PRKCA: variants seen among roughly 807,000 people sequenced by gnomAD.
PRKCA encodes the protein protein kinase C alpha type.
A neutral mutation model predicts 87.0 loss-of-function variants in PRKCA; 27 were observed. The observed-to-expected ratio is 0.31, with a 90% CI of 0.23 to 0.43. The LOEUF (loss-of-function observed/expected upper bound fraction) is 0.43. Among genes scored for constraint, PRKCA ranks in the 20% least tolerant of loss-of-function variants. The pLI, the probability that PRKCA is intolerant of heterozygous loss-of-function variation, is 1.00. For synonymous variants in PRKCA, 329 were observed against 311.1 expected, an observed-to-expected ratio of 1.06 and a Z score of -0.61; for missense variants, 518 against 852.3, an observed-to-expected ratio of 0.61 and a Z score of 4.88.
chr17:66,534,643 G>A (rs975926340), intron 3 of PRKCA, among the ~76,000 whole-genome samples: 3 of 152,034 alleles, frequency 2.0e-5, no homozygotes, highest in Non-Finnish European at 2.9e-5. Context: ...CTCCAGCCTG[G>A]GTGACAGAGC....
intron 2 of PRKCA, among the ~76,000 whole-genome samples, chr17:66,345,903 A>G (rs1907329236): frequency 6.6e-6 from 1 of 152,118 alleles, no homozygotes; most frequent in Admixed American, 6.5e-5. Flanking sequence ...AGTGCCTGGC[A>G]TATAATAGAT....
rs1327367717 is a variant in PRKCA at position 66,365,749 on chromosome 17, T to C, written c.205+59622T>C. ...AAACAGACGTATGAATGTTTAATAC[T>C]CCCTGATTATCGTATGCTTTCTTAT... On this transcript the variant is annotated intron_variant, in intron 2 of 16. Coordinates refer to ENST00000413366, the MANE Select transcript of PRKCA (RefSeq NM_002737.3). Among the ~76,000 whole-genome samples, 3 of 152,302 alleles carry C rather than the reference T, an allele frequency of 2.0e-5. No individual in the cohort carries two copies. The East Asian group carries it at 5.8e-4, about 29-fold the overall frequency.
intron 3 of PRKCA, among the ~76,000 whole-genome samples, chr17:66,556,323 C>CTA (rs1968493316): frequency 7.8e-6 from 1 of 129,008 alleles, no homozygotes; most frequent in African/African-American, 2.9e-5. Context: ...CTTTCTTCTT[C>CTA]TTTTTTTTTT....
At chr17:66,407,586 A>G (rs965296869) in intron 2 of PRKCA, among the ~76,000 whole-genome samples, 5 of 152,134 alleles carry the variant, frequency 3.3e-5, no homozygotes, top group Admixed American at 2.0e-4. Context: ...TGCACCATCT[A>G]TGCATTATTT....
At chr17:66,365,468 T>G (rs1908656155) in intron 2 of PRKCA, among the ~76,000 whole-genome samples, 2 of 152,158 alleles carry the variant, frequency 1.3e-5, no homozygotes, top group Non-Finnish European at 2.9e-5. Flanking sequence ...GGAAACTGCC[T>G]GAGATATGTT....
intron 5 of PRKCA, among the ~76,000 whole-genome samples, chr17:66,659,959 A>C (rs12449530): frequency 0.053 from 8,088 of 152,240 alleles, 288 homozygotes; most frequent in Admixed American, 0.077. Context: ...GTTACAGTCG[A>C]AGTCATTCAG....
intron 16 of PRKCA, among the ~76,000 whole-genome samples, chr17:66,794,274 T>G (rs942699009): frequency 6.6e-6 from 1 of 152,194 alleles, no homozygotes; most frequent in Non-Finnish European, 1.5e-5. Flanking sequence ...TTCAGGACAT[T>G]GTCTCCAATG....
intron 3 of PRKCA, among the ~76,000 whole-genome samples, chr17:66,554,231 G>A (rs936002615): frequency 7.2e-6 from 1 of 138,928 alleles, no homozygotes; most frequent in Non-Finnish European, 1.5e-5. Context: ...GTGTGACCCC[G>A]TCTCTATGAA....
At chr17:66,481,763 G>A (rs1004313867) in intron 2 of PRKCA, among the ~76,000 whole-genome samples, 4 of 152,162 alleles carry the variant, frequency 2.6e-5, no homozygotes, top group African/African-American at 7.2e-5. Context: ...CTTCATGCGT[G>A]TCTGTGGAAG....
intron 2 of PRKCA, among the ~76,000 whole-genome samples, chr17:66,352,557 G>GTTT: frequency 1.1e-5 from 1 of 90,302 alleles, no homozygotes. Flanking sequence ...TGTTTTTTGA[G>GTTT]GTTTTTTTTT....
At chr17:66,482,569 G>C (rs1220429477) in intron 2 of PRKCA, among the ~76,000 whole-genome samples, 1 of 152,182 alleles carries the variant, frequency 6.6e-6, no homozygotes, top group East Asian at 1.9e-4. Context: ...TTCATTTTCT[G>C]TGTGGCTGTA....
Position 66,805,624 on chromosome 17 carries a change from T to C in PRKCA, c.*1587T>C, listed in dbSNP as rs989190932. ...CTACCTGCAAACAAATTTTTATTGGTGAGGACTATTTTTGAGCTGACACTC... is the reference window on the plus strand; with the variant it reads ...CTACCTGCAAACAAATTTTTATTGGCGAGGACTATTTTTGAGCTGACACTC... On this transcript the variant is annotated 3_prime_UTR_variant, in exon 17 of 17. Transcript: ENST00000413366. 1 of 152,260 alleles carries C rather than the reference T, an allele frequency of 6.6e-6. No individual in the cohort carries two copies. Among genetic ancestry groups the C allele is most frequent in the Non-Finnish European group, 1.5e-5 (1 of 68,040 alleles). 9.4% of individuals were successfully genotyped at this position (152,260 alleles called of 1,614,324 possible).
intron 2 of PRKCA, among the ~76,000 whole-genome samples, chr17:66,486,881 C>T (rs1176212882): frequency 6.6e-6 from 1 of 151,884 alleles, no homozygotes; most frequent in Non-Finnish European, 1.5e-5. Flanking sequence ...ATCAAAATAC[C>T]ATCCAAAGAG....
At chr17:66,320,002 C>G (rs1193585731) in intron 2 of PRKCA, among the ~76,000 whole-genome samples, 1 of 152,142 alleles carries the variant, frequency 6.6e-6, no homozygotes, top group Non-Finnish European at 1.5e-5. Context: ...ACTTCAGCCT[C>G]CCAAAGTGGT....
chr17:66,608,025 G>A (rs530365891), intron 3 of PRKCA, among the ~76,000 whole-genome samples: 12 of 152,140 alleles, frequency 7.9e-5, no homozygotes, highest in Non-Finnish European at 1.5e-4. Flanking sequence ...TAGGGTTTTG[G>A]TGGTGCTGAT....
At chr17:66,776,004 T>C (rs1975037072) in intron 14 of PRKCA, among the ~76,000 whole-genome samples, 1 of 152,084 alleles carries the variant, frequency 6.6e-6, no homozygotes, top group Non-Finnish European at 1.5e-5. Context: ...AAGTATGGGG[T>C]TGTCTGTGTG....
chr17:66,391,327 G>A (rs1910346637), intron 2 of PRKCA, among the ~76,000 whole-genome samples: 1 of 152,184 alleles, frequency 6.6e-6, no homozygotes, highest in Admixed American at 6.5e-5. Context: ...ATCTTTGAGT[G>A]CTCCTTGGTT....
At chr17:66,439,877 GAAAAGT>G in intron 2 of PRKCA, among the ~76,000 whole-genome samples, 1 of 152,316 alleles carries the variant, frequency 6.6e-6, no homozygotes, top group Admixed American at 6.5e-5. Context: ...TCCATGTTTT[GAAAAGT>G]AAAACAAGAC....
intron 13 of PRKCA, among the ~76,000 whole-genome samples, chr17:66,759,637 C>T (rs1349972673): frequency 2.6e-5 from 4 of 151,784 alleles, no homozygotes; most frequent in African/African-American, 7.3e-5. Context: ...CTAAATGCAG[C>T]AATTAGAAGA....
Sources: gnomAD v4.1 joint callset for allele counts (sites outside exome capture counted in the v4.1 genomes callset) on GRCh38, gnomAD v4.1.1 for gene constraint, MANE v1.5 for transcripts, NCBI Gene and HGNC (gene_info 2026-07-23, HGNC 2026-07-21) for gene names.